FMNL2: variants seen among roughly 807,000 people sequenced by gnomAD.
FMNL2 encodes formin like 2, also known as formin-like protein 2.
In FMNL2, 51 loss-of-function variants were observed where a neutral mutation model predicts 130.2. The ratio of observed to expected loss-of-function variants is 0.39; its 90% CI spans 0.31 to 0.49. The LOEUF is 0.49. Ranked by LOEUF, FMNL2 falls within the 20% of genes least tolerant of loss-of-function variation. The pLI is 0.85. For synonymous variants in FMNL2, 465 were observed against 467.1 expected (o/e 1.00, Z 0.06); for missense variants, 977 against 1,316.2 (o/e 0.74, Z 3.99).
In FMNL2 at chr2:152,366,811, C is replaced by T. The variant is rs148451884; in HGVS notation, c.117+31091C>T. 4.7e-3 allele frequency among the ~76,000 whole-genome samples: 720 copies of T among 152,048 alleles called. 2 individuals are homozygous for T. Among genetic ancestry groups the T allele is most frequent in the Middle Eastern group, 0.017 (5 of 294 alleles). ...TGAAACCCCATCTCTAGAACAAATA[C>T]AAAAATTAGCCAGGCTTGGTGGTGT... On this transcript the variant is annotated intron_variant, in intron 1 of 25. Transcript: ENST00000288670.
chr2:152,636,645 T>C, intron 22 of FMNL2, 55 bp downstream of exon 22: 2 of 1,530,202 alleles, frequency 1.3e-6, no homozygotes. Context: ...TAAAGCTGCC[T>C]GTGGTGCAGG....
chr2:152,391,353 A>G (rs985156230), intron 1 of FMNL2, among the ~76,000 whole-genome samples: 8 of 152,196 alleles, frequency 5.3e-5, no homozygotes, highest in East Asian at 3.8e-4. Flanking sequence ...ATAAAAGACA[A>G]TTTTTCAGAA....
At chr2:152,413,333 T>TA (rs527472282) in intron 1 of FMNL2, among the ~76,000 whole-genome samples, 7 of 150,086 alleles carry the variant, frequency 4.7e-5, no homozygotes, top group Admixed American at 6.6e-5. Context: ...CTGACATGCT[T>TA]AAAAAAAAAA....
At chr2:152,385,997 C>T (rs1226474486) in intron 1 of FMNL2, among the ~76,000 whole-genome samples, 1 of 152,222 alleles carries the variant, frequency 6.6e-6, no homozygotes, top group Non-Finnish European at 1.5e-5. Context: ...GAGGGATATA[C>T]TCAGTCCTGC....
chr2:152,401,210 T>G (rs1323475378), intron 1 of FMNL2, among the ~76,000 whole-genome samples: 1 of 152,208 alleles, frequency 6.6e-6, no homozygotes, highest in Non-Finnish European at 1.5e-5. Flanking sequence ...AATTTATCAG[T>G]TTCAAAAAGT....
rs1699127944 is a variant in FMNL2, at chr2:152,619,544, C to T, written c.1663C>T (p.Pro555Ser). The change falls in exon 15 of 26, where the codon CCG becomes TCG. Residue 555 changes from proline to serine, a missense_variant. Pro to Ser is a moderately conservative substitution (Grantham distance 74, BLOSUM62 -1). Coordinates refer to ENST00000288670, the MANE Select transcript of FMNL2 (RefSeq NM_052905.4). The part of the protein sequence containing the change: ...NGPVTPPMPP[P>S]PPPPPPPPPP... ...TCCAGTAACACCACCTATGCCACCG[C>T]CGCCGCCGCCCCCTCCTCCACCTCC... The T allele has an allele frequency of 7.2e-7, 1 of 1,395,328 alleles. No homozygotes were observed. Among genetic ancestry groups the T allele is most frequent in the Non-Finnish European group, 9.3e-7 (1 of 1,076,410 alleles). The allele number at this position is 1,395,328 out of a possible 1,614,324, so 86.4% of individuals were successfully genotyped here.
intron 9 of FMNL2, among the ~76,000 whole-genome samples, chr2:152,588,039 T>A (rs1247900966): frequency 6.6e-6 from 1 of 152,198 alleles, no homozygotes; most frequent in East Asian, 1.9e-4. Flanking sequence ...GAACAGAGTT[T>A]AGGGTGAACA....
rs575825549 is a variant in FMNL2, at chr2:152,508,008, T to A, written c.118-13935T>A. On this transcript the variant is annotated intron_variant, in intron 1 of 25. Coordinates refer to ENST00000288670, the MANE Select transcript of FMNL2 (RefSeq NM_052905.4). ...ACGATAATATGGCTTTTGTGTTAAT[T>A]TGATAAATCGTATTCACTTAGAAAT... 7.2e-5 allele frequency among the ~76,000 whole-genome samples: 11 copies of A among 152,362 alleles called. No homozygotes were observed. The South Asian group carries it at 2.3e-3, about 32-fold the overall frequency.
In FMNL2 at chr2:152,539,325, G is replaced by T; in HGVS notation, c.202-3414G>T. ...AGCACTCAAAATTGGCAGCTTCCATGACTCCATCTTCTAGAGGGTGGGTGG... is the reference window on the plus strand; with the variant it reads ...AGCACTCAAAATTGGCAGCTTCCATTACTCCATCTTCTAGAGGGTGGGTGG... On this transcript the variant is annotated intron_variant, in intron 2 of 25. Transcript: ENST00000288670. 1.9e-5 allele frequency: 3 copies of T among 161,460 alleles called. No individual in the cohort carries two copies. In the South Asian group the frequency reaches 5.0e-4, roughly 27 times the overall value. The allele number at this position is 161,460 out of a possible 1,614,324, so 10.0% of individuals were successfully genotyped here.
chr2:152,425,430 C>T (rs573158108), intron 1 of FMNL2, among the ~76,000 whole-genome samples: 57 of 152,306 alleles, frequency 3.7e-4, no homozygotes, highest in Middle Eastern at 3.4e-3. Context: ...TTAGTAAAAT[C>T]TCTGTACATG....
chr2:152,578,808 T>G (rs969821245), intron 7 of FMNL2, 80 bp from the exon 8 acceptor site: 2 of 1,211,602 alleles, frequency 1.7e-6, no homozygotes, highest in African/African-American at 3.1e-5. Context: ...TTCGGGTTTT[T>G]GGTTTTAAAT....
chr2:152,377,339 G>C (rs1257409600), intron 1 of FMNL2, among the ~76,000 whole-genome samples: 2 of 152,132 alleles, frequency 1.3e-5, no homozygotes. Context: ...AAGTTTTTTA[G>C]TGTCAAAATT....
chr2:152,454,071 C>T (rs547220375), intron 1 of FMNL2, among the ~76,000 whole-genome samples: 6 of 152,128 alleles, frequency 3.9e-5, no homozygotes, highest in South Asian at 4.2e-4. Flanking sequence ...GTCAGGAGTT[C>T]GAGACCAGCC....
At chr2:152,358,578 A>G (rs1178957075) in intron 1 of FMNL2, among the ~76,000 whole-genome samples, 1 of 151,924 alleles carries the variant, frequency 6.6e-6, no homozygotes, top group Admixed American at 6.6e-5. Context: ...TTGAACCTGC[A>G]AGGTGGAGGT....
intron 1 of FMNL2, among the ~76,000 whole-genome samples, chr2:152,412,737 G>T (rs1038537972): frequency 6.6e-6 from 1 of 151,826 alleles, no homozygotes; most frequent in East Asian, 1.9e-4. Flanking sequence ...GAACTCAGGA[G>T]GTGAGGCTGC....
At position 152,581,067 on chromosome 2, in the gene FMNL2, T is replaced by G. The variant is rs767005585; in HGVS notation, c.876+18T>G. ...TTAAAGAGGTAGGCTACACTATAGT[T>G]TTCATAAGAATACTCACACATCTTA... On this transcript the variant is annotated intron_variant, in intron 9 of 25. Transcript: ENST00000288670. 4.4e-6 allele frequency: 7 copies of G among 1,600,128 alleles called. No homozygotes were observed. Among genetic ancestry groups the G allele is most frequent in the Non-Finnish European group, 6.0e-6 (7 of 1,169,274 alleles).
intron 1 of FMNL2, among the ~76,000 whole-genome samples, chr2:152,412,453 T>TACAG (rs1285433006): frequency 0.04 from 288 of 7,116 alleles, no homozygotes; most frequent in Non-Finnish European, 0.078. Flanking sequence ...ATTTTATATA[T>TACAG]ATATATATAT....
intron 1 of FMNL2, among the ~76,000 whole-genome samples, chr2:152,406,217 T>C (rs1459488082): frequency 6.6e-6 from 1 of 152,228 alleles, no homozygotes; most frequent in African/African-American, 2.4e-5. Context: ...TCCAGTATTA[T>C]AGAATATGGG....
intron 1 of FMNL2, among the ~76,000 whole-genome samples, chr2:152,340,314 G>A (rs185657668): frequency 6.4e-4 from 98 of 152,208 alleles, no homozygotes; most frequent in African/African-American, 2.3e-3. Flanking sequence ...GCTTCCATAG[G>A]CTTAGAACTG....
Sources: gnomAD v4.1 joint callset for allele counts (sites outside exome capture counted in the v4.1 genomes callset) on GRCh38, gnomAD v4.1.1 for gene constraint, MANE v1.5 for transcripts, NCBI Gene and HGNC (gene_info 2026-07-23, HGNC 2026-07-21) for gene names.